The following LRMDA variants were observed in gnomAD, a reference collection of about 807,000 sequenced individuals.
LRMDA encodes leucine-rich melanocyte differentiation-associated protein.
In LRMDA, 18 loss-of-function variants were observed where a neutral mutation model predicts 29.8. The ratio of observed to expected loss-of-function variants is 0.60; its 90% CI spans 0.42 to 0.90. LRMDA has a LOEUF of 0.90. LRMDA is among the 40% of genes least tolerant of loss of function. The pLI, the probability that LRMDA is intolerant of heterozygous loss-of-function variation, is 0.00. For missense variants in LRMDA, 273 were observed against 273.9 expected (o/e 1.00, Z 0.02); for synonymous variants, 125 against 109.4 (o/e 1.14, Z -0.89).
At chr10:75,629,124 G>C (rs1370961398) in intron 2 of LRMDA, among the ~76,000 whole-genome samples, 2 of 152,202 alleles carry the variant, frequency 1.3e-5, no homozygotes, top group Non-Finnish European at 2.9e-5. Context: ...AGAGCACTCA[G>C]TTACCTCACT....
chr10:76,324,408 G>A lies in LRMDA; in HGVS notation c.524G>A (p.Ser175Asn). The A allele has an allele frequency of 6.2e-7, 1 of 1,614,162 alleles. No individual in the cohort carries two copies. The highest frequency in any genetic ancestry group is 8.5e-7 in the Non-Finnish European group (1 of 1,180,020). ...FMKVVKPKAS[S>N]EDVASSPERH... ...TTTGCTTTTGTCACACAGGCTTCTA[G>A]TGAGGACGTTGCCAGCTCCCCGGAG... The change falls in exon 6 of 7, where the codon AGT (serine) becomes AAT (asparagine). Residue 175 changes from serine (S) to asparagine (N), a missense_variant. Transcript: ENST00000611255.
intron 2 of LRMDA, among the ~76,000 whole-genome samples, chr10:75,823,527 T>A (rs964216096): frequency 2.0e-5 from 3 of 152,184 alleles, no homozygotes; most frequent in African/African-American, 7.2e-5. Flanking sequence ...TTGGTGGGAA[T>A]GTAAATAAGT....
chr10:75,952,946 G>T (rs1003879069), intron 2 of LRMDA, among the ~76,000 whole-genome samples: 1 of 151,652 alleles, frequency 6.6e-6, no homozygotes, highest in African/African-American at 2.4e-5. Flanking sequence ...GTAGAGATGG[G>T]GTTTCACCAT....
At chr10:76,441,429 T>C (rs1308354199) in intron 6 of LRMDA, among the ~76,000 whole-genome samples, 1 of 152,168 alleles carries the variant, frequency 6.6e-6, no homozygotes, top group Non-Finnish European at 1.5e-5. Context: ...ATGTCATCTG[T>C]AAAATGGGGA....
At chr10:75,887,103 G>C (rs767466736) in intron 2 of LRMDA, among the ~76,000 whole-genome samples, 2 of 151,314 alleles carry the variant, frequency 1.3e-5, no homozygotes, top group Non-Finnish European at 2.9e-5. Flanking sequence ...TATGAACACA[G>C]GGAACGAAGA....
At position 75,749,672 on chromosome 10, in the gene LRMDA, C is replaced by T. The variant is rs550939156; in HGVS notation, c.132-286336C>T. On this transcript the variant is annotated intron_variant, in intron 2 of 6. Transcript: ENST00000611255. ...TTATTGATCATTCTTGGGTGTTTCT[C>T]GGAGAGGGGGATTTGGCAGGGTCAT... Among the ~76,000 whole-genome samples the T allele has an allele frequency of 2.8e-4, 40 of 145,260 alleles. 1 individual carries two copies. The highest frequency in any genetic ancestry group is 2.8e-4 in the Admixed American group (4 of 14,522).
rs571521030 is a variant in LRMDA, at chr10:76,150,148, A to G, written c.516+91365A>G. On this transcript the variant is annotated intron_variant, in intron 5 of 6. Transcript: ENST00000611255. ...GCGGCAAACCCTCCTGTGTCTGCAA[A>G]TGGCTGCCAAAAGCCCCTCCGCGCT... 2.8e-4 allele frequency among the ~76,000 whole-genome samples: 43 copies of G among 152,298 alleles called. No homozygotes were observed. The South Asian group carries it at 8.3e-3, about 29-fold the overall frequency.
intron 5 of LRMDA, among the ~76,000 whole-genome samples, chr10:76,135,056 T>C (rs1195693047): frequency 6.6e-6 from 1 of 152,230 alleles, no homozygotes. Flanking sequence ...GTTTTACCTA[T>C]GCTCAAGAAT....
At chr10:76,111,463 G>A (rs1849578112) in intron 5 of LRMDA, among the ~76,000 whole-genome samples, 1 of 152,200 alleles carries the variant, frequency 6.6e-6, no homozygotes, top group Non-Finnish European at 1.5e-5. Flanking sequence ...ACACCTAAAT[G>A]TTCAAGTTAG....
intron 6 of LRMDA, among the ~76,000 whole-genome samples, chr10:76,502,728 C>T (rs1275439664): frequency 6.6e-6 from 1 of 150,818 alleles, no homozygotes; most frequent in South Asian, 2.1e-4. Flanking sequence ...AACTTTACTA[C>T]AATTTTTCCT....
At chr10:75,703,295 A>C (rs946561796) in intron 2 of LRMDA, among the ~76,000 whole-genome samples, 1 of 152,234 alleles carries the variant, frequency 6.6e-6, no homozygotes, top group African/African-American at 2.4e-5. Context: ...TGGGGGACGC[A>C]AGCGTCATAT....
intron 5 of LRMDA, among the ~76,000 whole-genome samples, chr10:76,265,723 G>A (rs1055023580): frequency 2.0e-5 from 3 of 152,312 alleles, no homozygotes; most frequent in Middle Eastern, 3.4e-3. Context: ...CAGATCTTCA[G>A]CTTTCCATGT....
intron 3 of LRMDA, among the ~76,000 whole-genome samples, chr10:76,046,502 G>GT (rs942296915): frequency 2.6e-5 from 4 of 151,698 alleles, no homozygotes; most frequent in African/African-American, 7.3e-5. Flanking sequence ...TTTTTGTTTT[G>GT]TTTTTTTCTT....
chr10:76,538,715 A>G (rs1843320076), intron 6 of LRMDA, among the ~76,000 whole-genome samples: 1 of 152,020 alleles, frequency 6.6e-6, no homozygotes, highest in Non-Finnish European at 1.5e-5. Context: ...TAACACAACT[A>G]TAAAAAGGCA....
At chr10:76,347,196 T>C (rs1050575529) in intron 6 of LRMDA, among the ~76,000 whole-genome samples, 1 of 152,244 alleles carries the variant, frequency 6.6e-6, no homozygotes, top group Admixed American at 6.5e-5. Context: ...CCCTATATAC[T>C]GATTCCAAAT....
intron 2 of LRMDA, among the ~76,000 whole-genome samples, chr10:75,753,479 G>A (rs1360658901): frequency 2.0e-5 from 3 of 152,322 alleles, no homozygotes; most frequent in East Asian, 3.9e-4. Context: ...GAATGGTGAG[G>A]AGGCAGCTGT....
At chr10:76,328,926 C>G (rs1396740866) in intron 6 of LRMDA, among the ~76,000 whole-genome samples, 1 of 152,186 alleles carries the variant, frequency 6.6e-6, no homozygotes, top group Non-Finnish European at 1.5e-5. Flanking sequence ...GGTGCTGCCA[C>G]CACCCAGAGT....
intron 2 of LRMDA, among the ~76,000 whole-genome samples, chr10:75,826,497 G>A (rs1238091511): frequency 1.3e-5 from 2 of 152,050 alleles, no homozygotes; most frequent in Non-Finnish European, 2.9e-5. Flanking sequence ...CACCTTACTC[G>A]GCCTGACACT....
chr10:75,858,895 T>C (rs1271101371), intron 2 of LRMDA, among the ~76,000 whole-genome samples: 1 of 152,242 alleles, frequency 6.6e-6, no homozygotes, highest in African/African-American at 2.4e-5. Context: ...TACATTGACT[T>C]CTGCTTCTTC....
Sources: gnomAD v4.1 joint callset for allele counts (sites outside exome capture counted in the v4.1 genomes callset) on GRCh38, gnomAD v4.1.1 for gene constraint, MANE v1.5 for transcripts, NCBI Gene and HGNC (gene_info 2026-07-23, HGNC 2026-07-21) for gene names.